ITSN1: variants seen among roughly 807,000 people sequenced by gnomAD.
ITSN1 encodes the protein intersectin-1.
In ITSN1, 58 loss-of-function variants were observed where a neutral mutation model predicts 239.8. That is an observed-to-expected ratio of 0.24 (90% CI 0.20 to 0.30). The LOEUF is 0.30. ITSN1 is among the 10% of genes least tolerant of loss of function. ITSN1 has a pLI of 1.00. For synonymous variants in ITSN1, 780 were observed against 770.8 expected (o/e 1.01, Z -0.20); for missense variants, 1,558 against 2,103.3 (o/e 0.74, Z 5.07).
At chr21:33,781,627 C>A in intron 15 of ITSN1, 79 bp downstream of exon 15, 2 of 833,066 alleles carry the variant, frequency 2.4e-6, no homozygotes, top group Non-Finnish European at 3.8e-6. Flanking sequence ...GTCCCCCAGG[C>A]TGGAGTGCAG....
At chr21:33,707,281 G>GT (rs1400530080) in intron 1 of ITSN1, among the ~76,000 whole-genome samples, 3 of 151,906 alleles carry the variant, frequency 2.0e-5, no homozygotes, top group African/African-American at 7.3e-5. Context: ...TATTTTTTAT[G>GT]TTTTTTCAAT....
chr21:33,887,066 C>T (rs1985911747), intron 39 of ITSN1, among the ~76,000 whole-genome samples: 1 of 152,054 alleles, frequency 6.6e-6, no homozygotes, highest in Non-Finnish European at 1.5e-5. Context: ...GCCTGGAATC[C>T]CAACACTTTG....
rs780736249 is a variant in ITSN1 at position 33,896,987 on chromosome 21, G to A, written c.*8687G>A. ...GTTTTCATGCGTCATGCAATCTTCC[G>A]GACTACGGGAAGTTCTGCAAGTGTT... On this transcript the variant is annotated 3_prime_UTR_variant, in exon 40 of 40. Coordinates refer to ENST00000381318, the MANE Select transcript of ITSN1 (RefSeq NM_003024.3). 3 of 152,102 alleles carry A rather than the reference G, an allele frequency of 2.0e-5. No individual in the cohort carries two copies. The highest frequency in any genetic ancestry group is 1.9e-4 in the East Asian group (1 of 5,196). 9.4% of individuals were successfully genotyped at this position (152,102 alleles called of 1,614,324 possible).
At chr21:33,736,342 C>A (rs1322664510) in intron 5 of ITSN1, among the ~76,000 whole-genome samples, 1 of 152,204 alleles carries the variant, frequency 6.6e-6, no homozygotes, top group Non-Finnish European at 1.5e-5. Flanking sequence ...CAGAAATACT[C>A]TGGTTTTACT....
chr21:33,729,904 TAGTGAATTGA>T (rs1457036070), intron 4 of ITSN1, among the ~76,000 whole-genome samples: 1 of 152,218 alleles, frequency 6.6e-6, no homozygotes, highest in African/African-American at 2.4e-5. Flanking sequence ...ACCTTTTGCA[TAGTGAATTGA>T]AGTCCTGCGT....
At chr21:33,647,422 C>CTA (rs999120606) in intron 1 of ITSN1, among the ~76,000 whole-genome samples, 5 of 151,626 alleles carry the variant, frequency 3.3e-5, no homozygotes, top group East Asian at 1.9e-4. Context: ...GTGTCTTTTC[C>CTA]TATATATATA....
chr21:33,794,402 G>C lies in ITSN1; in HGVS notation c.1886G>C (p.Arg629Pro). 6.2e-7 allele frequency: 1 copy of C among 1,613,792 alleles called. No individual in the cohort carries two copies. Among genetic ancestry groups the C allele is most frequent in the Non-Finnish European group, 8.5e-7 (1 of 1,179,912 alleles). The change falls in exon 17 of 40, where the codon CGA becomes CCA. Residue 629 changes from arginine to proline, a missense_variant. Transcript: ENST00000381318. ...LQKQKSMEAE[R>P]LKQKEQERKI... is the part of the protein sequence containing the mutation. Reference sequence around the variant, plus strand: ...AAGCAAAAGTCCATGGAGGCTGAACGACTGAAACAGAAAGAACAAGAACGA... The same window carrying C: ...AAGCAAAAGTCCATGGAGGCTGAACCACTGAAACAGAAAGAACAAGAACGA...
intron 3 of ITSN1, 99 bp downstream of exon 3, chr21:33,721,369 G>A (rs2065470528): frequency 1.3e-6 from 1 of 781,278 alleles, no homozygotes; most frequent in South Asian, 1.5e-5. Context: ...TATGACCAAG[G>A]AGAGACATTT....
At position 33,892,234 on chromosome 21, in the gene ITSN1, C is replaced by T. The variant is rs1363934328; in HGVS notation, c.*3934C>T. On this transcript the variant is annotated 3_prime_UTR_variant, in exon 40 of 40. Coordinates refer to ENST00000381318, the MANE Select transcript of ITSN1 (RefSeq NM_003024.3). ...AGCTCACACCAGGCAGAAGCATAAC[C>T]AGTAGCCCCAGAAACCGGTAGCATG... 6.6e-6 allele frequency: 1 copy of T among 152,198 alleles called. No individual in the cohort carries two copies. Among genetic ancestry groups the T allele is most frequent in the Non-Finnish European group, 1.5e-5 (1 of 68,042 alleles). The allele number at this position is 152,198 out of a possible 1,614,324, so 9.4% of individuals were successfully genotyped here.
chr21:33,660,611 G>A (rs1476303145), intron 1 of ITSN1, among the ~76,000 whole-genome samples: 3 of 152,106 alleles, frequency 2.0e-5, no homozygotes, highest in African/African-American at 7.2e-5. Flanking sequence ...GTTGTGAAAC[G>A]TTGTTTTGGT....
In ITSN1 at chr21:33,882,179, G is replaced by C. The variant is rs376764190; in HGVS notation, c.4342-64G>C. 100 of 1,401,718 alleles carry C rather than the reference G, an allele frequency of 7.1e-5. 1 individual carries two copies. In the East Asian group the frequency reaches 1.2e-3, roughly 16 times the overall value. 86.8% of individuals were successfully genotyped at this position (1,401,718 alleles called of 1,614,324 possible). The stretch of plus-strand genomic sequence containing the variant: ...GGGCCTGGCCTCTGATTCTGATGGA[G>C]CCCATGCTTTCAGATGCGGAGAAAC... On this transcript the variant is annotated intron_variant, in intron 34 of 39. Transcript: ENST00000381318. The surrounding 1 kb of genome is among the most constrained non-coding windows in gnomAD (Gnocchi z 4.5).
intron 1 of ITSN1, among the ~76,000 whole-genome samples, chr21:33,666,707 T>C (rs534105592): frequency 2.6e-5 from 4 of 152,264 alleles, no homozygotes; most frequent in Non-Finnish European, 5.9e-5. Flanking sequence ...AAGGGTATTG[T>C]GGAGCCCTTG....
At chr21:33,738,333 G>A (rs1024678550) in intron 5 of ITSN1, among the ~76,000 whole-genome samples, 11 of 152,110 alleles carry the variant, frequency 7.2e-5, no homozygotes, top group African/African-American at 2.7e-4. Flanking sequence ...AGGGAACTGA[G>A]ATTCTCAGAA....
Position 33,893,142 on chromosome 21 carries a change from C to T in ITSN1, c.*4842C>T, listed in dbSNP as rs766845122. Reference sequence around the variant, plus strand: ...TTCTGATGAAGACGTGGCTCAGTCCCTGCTCTCCTTGTCGCAGTGGCTTGT... The same window carrying T: ...TTCTGATGAAGACGTGGCTCAGTCCTTGCTCTCCTTGTCGCAGTGGCTTGT... On this transcript the variant is annotated 3_prime_UTR_variant, in exon 40 of 40. Transcript: ENST00000381318. 8 of 152,284 alleles carry T rather than the reference C, an allele frequency of 5.3e-5. No individual in the cohort carries two copies. Among genetic ancestry groups the T allele is most frequent in the African/African-American group, 9.6e-5 (4 of 41,458 alleles). 9.4% of individuals were successfully genotyped at this position (152,284 alleles called of 1,614,324 possible). A position where few individuals can be genotyped will look rare whatever the true frequency, so the allele number is the denominator to read the frequency against.
chr21:33,832,898 A>G (rs2074378465), intron 27 of ITSN1, among the ~76,000 whole-genome samples: 1 of 152,120 alleles, frequency 6.6e-6, no homozygotes, highest in South Asian at 2.1e-4. Flanking sequence ...GGGAATAGGT[A>G]ATTATAGTCA....
Position 33,836,577 on chromosome 21 carries a change from G to A in ITSN1, c.3606G>A (p.Gly1202=), listed in dbSNP as rs369651938. ...WWKGEVNGQV[G]LFPSNYVKLT... ...AAGGAGAAGTCAATGGACAAGTGGG[G>A]CTCTTCCCATCCAATTATGTGAAGC... The change falls in exon 29 of 40, where the codon GGG becomes GGA. Residue 1202 remains glycine (G), a synonymous_variant. Transcript: ENST00000381318. 3.2e-5 allele frequency: 51 copies of A among 1,614,038 alleles called. No homozygotes were observed. The African/African-American group carries it at 6.7e-4, about 21-fold the overall frequency.
rs1986199563 is a variant in ITSN1, at chr21:33,889,386, G to A, written c.*1086G>A. On this transcript the variant is annotated 3_prime_UTR_variant, in exon 40 of 40. Coordinates refer to ENST00000381318, the MANE Select transcript of ITSN1 (RefSeq NM_003024.3). ...TGTGGTGGGTGAAAGACCCTAGGAG[G>A]ATGCAAGCCCCGCACATCCCGGGGC... 6.6e-6 allele frequency: 1 copy of A among 152,122 alleles called. No homozygotes were observed. The highest frequency in any genetic ancestry group is 1.5e-5 in the Non-Finnish European group (1 of 68,036). The allele number at this position is 152,122 out of a possible 1,614,324, so 9.4% of individuals were successfully genotyped here. A position where few individuals can be genotyped will look rare whatever the true frequency, so the allele number is the denominator to read the frequency against.
At chr21:33,753,925 T>C (rs2067740638) in intron 7 of ITSN1, among the ~76,000 whole-genome samples, 1 of 152,216 alleles carries the variant, frequency 6.6e-6, no homozygotes, top group African/African-American at 2.4e-5. Flanking sequence ...ACAACTGTTT[T>C]ATGTTGTCAC....
intron 16 of ITSN1, among the ~76,000 whole-genome samples, chr21:33,783,227 CA>C (rs942951782): frequency 5.9e-5 from 9 of 152,206 alleles, no homozygotes; most frequent in Non-Finnish European, 1.0e-4. Flanking sequence ...CAGCTTTTGA[CA>C]GTGGGAAGAA....
Sources: allele counts gnomAD v4.1 joint callset (sites outside exome capture counted in the v4.1 genomes callset), GRCh38; gene constraint gnomAD v4.1.1; non-coding constraint Gnocchi (gnomAD v3.1); transcripts MANE v1.5; gene names NCBI Gene and HGNC (gene_info 2026-07-23, HGNC 2026-07-21).